TDRP: variants seen among roughly 807,000 people sequenced by gnomAD.
The protein encoded by TDRP is testis development related protein, also known as testis development-related protein.
Under a neutral mutation model 10.5 loss-of-function variants are expected in TDRP, and 12 were observed. The observed-to-expected ratio is 1.15, with a 90% CI of 0.73 to 1.86. The LOEUF (loss-of-function observed/expected upper bound fraction) is 1.86. Among genes scored for constraint, TDRP ranks in the 40% most tolerant of loss-of-function variants. The pLI is 0.00. For missense variants in TDRP, 353 were observed against 229.2 expected, an observed-to-expected ratio of 1.54 and a Z score of -3.49; for synonymous variants, 139 against 95.4, an observed-to-expected ratio of 1.46 and a Z score of -2.67.
At chr8:532,833 C>A (rs1802241831) in intron 1 of TDRP, among the ~76,000 whole-genome samples, 1 of 126,798 alleles carries the variant, frequency 7.9e-6, no homozygotes, top group African/African-American at 2.5e-5. Flanking sequence ...ATACTGGAAC[C>A]CAGCCACGAT....
At chr8:517,643 C>T (rs1226949395) in intron 1 of TDRP, among the ~76,000 whole-genome samples, 1 of 152,192 alleles carries the variant, frequency 6.6e-6, no homozygotes, top group Non-Finnish European at 1.5e-5. Flanking sequence ...CAATATATAC[C>T]TTACATGTAT....
intron 1 of TDRP, among the ~76,000 whole-genome samples, chr8:507,760 C>A (rs1347066870): frequency 1.3e-5 from 2 of 152,060 alleles, no homozygotes; most frequent in Admixed American, 1.3e-4. Flanking sequence ...CAGTCAGTAC[C>A]CAGAGTGGCT....
At chr8:503,631 A>C (rs1801371066) in intron 1 of TDRP, among the ~76,000 whole-genome samples, 1 of 145,900 alleles carries the variant, frequency 6.9e-6, no homozygotes, top group South Asian at 2.2e-4. Flanking sequence ...CACGGAATCC[A>C]GAGCCACACA....
intron 1 of TDRP, among the ~76,000 whole-genome samples, chr8:531,305 G>C (rs1025837573): frequency 1.3e-5 from 2 of 152,138 alleles, no homozygotes; most frequent in Non-Finnish European, 2.9e-5. Flanking sequence ...CAGAGTCCGT[G>C]GGGGAACAAG....
At chr8:519,300 C>T (rs938708741) in intron 1 of TDRP, among the ~76,000 whole-genome samples, 9 of 152,200 alleles carry the variant, frequency 5.9e-5, no homozygotes, top group East Asian at 3.9e-4. Context: ...GCTGTTCCTC[C>T]GCTGTATCCT....
At chr8:509,454 G>C (rs969895980) in intron 1 of TDRP, among the ~76,000 whole-genome samples, 1 of 152,202 alleles carries the variant, frequency 6.6e-6, no homozygotes, top group East Asian at 1.9e-4. Context: ...TGCAGTCGTA[G>C]GACCAACACC....
chr8:524,933 G>C (rs1477594208), intron 1 of TDRP, among the ~76,000 whole-genome samples: 2 of 152,142 alleles, frequency 1.3e-5, no homozygotes, highest in African/African-American at 2.4e-5. Context: ...CTCAATCCTA[G>C]AGAAAGACAT....
intron 1 of TDRP, among the ~76,000 whole-genome samples, chr8:509,116 T>A (rs1413175521): frequency 6.6e-6 from 1 of 152,252 alleles, no homozygotes; most frequent in African/African-American, 2.4e-5. Context: ...CCCTGTGGCT[T>A]TGCAGGGTAT....
intron 1 of TDRP, among the ~76,000 whole-genome samples, chr8:521,448 T>C (rs1429006554): frequency 1.3e-5 from 2 of 152,090 alleles, no homozygotes; most frequent in African/African-American, 4.8e-5. Context: ...CTTCATTTTT[T>C]GCATGTGAAT....
intron 1 of TDRP, among the ~76,000 whole-genome samples, chr8:519,796 G>A (rs1433588309): frequency 6.6e-6 from 1 of 152,204 alleles, no homozygotes; most frequent in Non-Finnish European, 1.5e-5. Context: ...GCGAGGCATT[G>A]TCAAGTGGTA....
At chr8:523,169 C>T (rs927087148) in intron 1 of TDRP, among the ~76,000 whole-genome samples, 1 of 151,810 alleles carries the variant, frequency 6.6e-6, no homozygotes, top group Admixed American at 6.6e-5. Flanking sequence ...TTTCTGTATC[C>T]CCTAGGCATT....
At chr8:532,729 A>G (rs1356738899) in intron 1 of TDRP, among the ~76,000 whole-genome samples, 1 of 152,186 alleles carries the variant, frequency 6.6e-6, no homozygotes, top group Non-Finnish European at 1.5e-5. Context: ...ACAAACTCTA[A>G]TAAGTTACCT....
upstream of TDRP, chr8:545,634 C>G (rs1219130547): frequency 6.6e-6 from 1 of 152,122 alleles, no homozygotes; most frequent in East Asian, 2.0e-4. Flanking sequence ...CAGGGCATCC[C>G]TCGGGGCCTG....
rs147697067 is a variant in TDRP, at chr8:533,820, T to G, written c.108+10830A>C. 1.3e-3 allele frequency among the ~76,000 whole-genome samples: 202 copies of G among 152,324 alleles called. 1 individual carries two copies. The highest frequency in any genetic ancestry group is 4.7e-3 in the African/African-American group (194 of 41,572). ...AGGGTAGGCAGATGTACACCGGTTC[T>G]CTTTCCTCGCAATGTTCTAGCGCTT... On this transcript the variant is annotated intron_variant, in intron 1 of 2. Coordinates refer to ENST00000324079, the MANE Select transcript of TDRP (RefSeq NM_001384899.1).
At chr8:540,150 A>G (rs1180477668) in intron 1 of TDRP, among the ~76,000 whole-genome samples, 1 of 152,216 alleles carries the variant, frequency 6.6e-6, no homozygotes, top group African/African-American at 2.4e-5. Flanking sequence ...CTATTTGCAT[A>G]AAACTTTGAG....
chr8:524,666 C>A (rs762584331), intron 1 of TDRP, among the ~76,000 whole-genome samples: 2 of 151,850 alleles, frequency 1.3e-5, no homozygotes, highest in Non-Finnish European at 2.9e-5. Context: ...ATTAAACTGA[C>A]ATATGAAGAA....
At chr8:540,389 C>T (rs1802460495) in intron 1 of TDRP, among the ~76,000 whole-genome samples, 1 of 152,156 alleles carries the variant, frequency 6.6e-6, no homozygotes, top group Non-Finnish European at 1.5e-5. Context: ...TGTTTCTGAA[C>T]ACACACCTAT....
chr8:511,150 T>C (rs1187330923), intron 1 of TDRP, among the ~76,000 whole-genome samples: 1 of 152,130 alleles, frequency 6.6e-6, no homozygotes, highest in African/African-American at 2.4e-5. Flanking sequence ...CAATATTAAA[T>C]GTAAATGGAT....
chr8:492,018 T>C lies in TDRP; in HGVS notation c.*381A>G, dbSNP rs1800990967. On this transcript the variant is annotated 3_prime_UTR_variant, in exon 3 of 3. Coordinates refer to ENST00000324079, the MANE Select transcript of TDRP (RefSeq NM_001384899.1). ...GCATGACAGCTGCATTTATACGTGC[T>C]ACATACAAGAAAAAGGTACGGAAGT... 3 of 1,113,112 alleles carry C rather than the reference T, an allele frequency of 2.7e-6. No homozygotes were observed. Among genetic ancestry groups the C allele is most frequent in the Admixed American group, 9.6e-5 (2 of 20,788 alleles). 69.0% of individuals were successfully genotyped at this position (1,113,112 alleles called of 1,614,324 possible). A position where few individuals can be genotyped will look rare whatever the true frequency, so the allele number is the denominator to read the frequency against.
Sources: allele counts gnomAD v4.1 joint callset (sites outside exome capture counted in the v4.1 genomes callset), GRCh38; gene constraint gnomAD v4.1.1; transcripts MANE v1.5; gene names NCBI Gene and HGNC (gene_info 2026-07-23, HGNC 2026-07-21).